SYNE1: variants seen among roughly 807,000 people sequenced by gnomAD.
SYNE1 encodes the protein nesprin-1.
A neutral mutation model predicts 1,111.0 loss-of-function variants in SYNE1; 616 were observed. The ratio of observed to expected loss-of-function variants is 0.55; its 90% CI spans 0.52 to 0.59. The LOEUF (loss-of-function observed/expected upper bound fraction) is 0.59. Ranked by LOEUF, SYNE1 falls within the 20% of genes least tolerant of loss-of-function variation. The pLI, the probability that SYNE1 is intolerant of heterozygous loss-of-function variation, is 0.00. For missense variants in SYNE1, 10,006 were observed against 10,417.0 expected (o/e 0.96, Z 1.72); for synonymous variants, 3,855 against 3,825.8 (o/e 1.01, Z -0.28).
At chr6:152,486,223 A>C (rs1206760602) in intron 12 of SYNE1, among the ~76,000 whole-genome samples, 1 of 152,012 alleles carries the variant, frequency 6.6e-6, no homozygotes, top group Non-Finnish European at 1.5e-5. Context: ...AAAAAACAAC[A>C]AAAAAATAAA....
chr6:152,604,944 C>CAAAGAAAGAAAG (rs1185668483), intron 3 of SYNE1, among the ~76,000 whole-genome samples: 14 of 65,930 alleles, frequency 2.1e-4, no homozygotes, highest in East Asian at 1.2e-3. Flanking sequence ...CCCTATCTCA[C>CAAAGAAAGAAAG]AAAGAAAGAA....
chr6:152,132,419 G>A lies in SYNE1; in HGVS notation c.26002-205C>T, dbSNP rs78151231. Among the ~76,000 whole-genome samples, 1,349 of 152,236 alleles carry A rather than the reference G, an allele frequency of 8.9e-3. 11 individuals are homozygous for A. Among genetic ancestry groups the A allele is most frequent in the African/African-American group, 0.027 (1,128 of 41,542 alleles). ...GTGTGTTGGGATTTCCTAGCTGTCC[G>A]TTTGGCCGTTCTGGAAAATATAGCT... On this transcript the variant is annotated intron_variant, in intron 143 of 145. Transcript: ENST00000367255.
At chr6:152,218,216 A>C in intron 121 of SYNE1, 41 bp downstream of exon 121, 1 of 1,611,366 alleles carries the variant, frequency 6.2e-7, no homozygotes, top group South Asian at 1.1e-5. Flanking sequence ...TTTTGAAGAC[A>C]GATGGTAAAA....
At chr6:152,599,681 A>T (rs1252734293) in intron 3 of SYNE1, among the ~76,000 whole-genome samples, 1 of 152,246 alleles carries the variant, frequency 6.6e-6, no homozygotes, top group Non-Finnish European at 1.5e-5. Context: ...CTGCCTTTCT[A>T]TAGTAAGAAT....
intron 82 of SYNE1, among the ~76,000 whole-genome samples, chr6:152,322,828 G>T (rs2095909367): frequency 6.6e-6 from 1 of 152,094 alleles, no homozygotes; most frequent in African/African-American, 2.4e-5. Context: ...CTTCTGAAGG[G>T]ATGCCTTCTT....
intron 133 of SYNE1, 33 bp downstream of exon 133, chr6:152,154,859 A>G (rs2061097606): frequency 3.7e-6 from 6 of 1,613,430 alleles, no homozygotes; most frequent in Non-Finnish European, 5.1e-6. Context: ...TTAATAGCAA[A>G]ATAAGGATTA....
Position 152,442,164 on chromosome 6 carries a change from G to C in SYNE1, c.3919C>G (p.Pro1307Ala), listed in dbSNP as rs2098537274. 6.2e-7 allele frequency: 1 copy of C among 1,613,774 alleles called. No individual in the cohort carries two copies. Among genetic ancestry groups the C allele is most frequent in the Non-Finnish European group, 8.5e-7 (1 of 1,180,040 alleles). Residue 1307 changes from proline (P) to alanine (A), a missense_variant, in exon 31 of 146, where the codon CCT (proline) becomes GCT (alanine). Pro to Ala is a conservative substitution (Grantham distance 27). Around this residue, in one of 7 missense-constraint regions of SYNE1, gnomAD observed 1,971 missense variants for 2,084.1 expected, o/e 0.95. Transcript: ENST00000367255. Reference sequence around the variant, plus strand: ...CGCAGCTCCTCGTGGCCTCGGTCAGGCAGCCCCCCTTCTCCCTGCTGCGCC... The same window carrying C: ...CGCAGCTCCTCGTGGCCTCGGTCAGCCAGCCCCCCTTCTCCCTGCTGCGCC... Reference protein sequence around the residue: ...AQAQQGEGGLPDRGHEELRKL... With the variant: ...AQAQQGEGGLADRGHEELRKL...
rs375917264 is a variant in SYNE1 at position 152,520,527 on chromosome 6, G to A, written c.241C>T (p.Arg81Cys). The change falls in exon 6 of 146, where the codon CGC (arginine) becomes TGC (cysteine). Residue 81 changes from arginine to cysteine, a missense_variant. By Grantham distance (180) the Arg-to-Cys change is radical (BLOSUM62 -3). Coordinates refer to ENST00000367255, the MANE Select transcript of SYNE1 (RefSeq NM_182961.4). ...SGQKLPCEQG[R>C]RMKRIHAVAN... ...ACAGCATGGATTCGCTTCATCCGGC[G>A]TCCTTGTTCACAAGGCTGTAAAAAG... 47 of 1,613,504 alleles carry A rather than the reference G, an allele frequency of 2.9e-5. No individual in the cohort carries two copies. The Admixed American group carries it at 4.2e-4, about 14-fold the overall frequency.
intron 108 of SYNE1, among the ~76,000 whole-genome samples, 173 bp from the exon 109 acceptor site, chr6:152,237,121 G>A (rs1201703001): frequency 1.3e-5 from 2 of 152,104 alleles, no homozygotes; most frequent in African/African-American, 4.8e-5. Context: ...TAATCAAATG[G>A]TGACCCTTGA....
Position 152,628,289 on chromosome 6 carries a change from C to T in SYNE1, c.43G>A (p.Ala15Thr), listed in dbSNP as rs767703161. Residue 15 changes from alanine (A) to threonine (T), a missense_variant, in exon 3 of 146, where the codon GCC becomes ACC. Transcript: ENST00000367255. ...RGASRCPRDI[A>T]NVMQRLQDEQ... is the part of the protein sequence containing the mutation. Reference sequence around the variant, plus strand: ...CCTTGCAGCCTCTGCATCACATTGGCGATATCCCGAGGACACCGGGAGGCC... The same window carrying T: ...CCTTGCAGCCTCTGCATCACATTGGTGATATCCCGAGGACACCGGGAGGCC... 2.5e-6 allele frequency: 4 copies of T among 1,614,104 alleles called. No individual in the cohort carries two copies. The highest frequency in any genetic ancestry group is 3.4e-6 in the Non-Finnish European group (4 of 1,180,024).
chr6:152,552,331 C>T (rs1279807318), intron 3 of SYNE1, among the ~76,000 whole-genome samples: 1 of 151,996 alleles, frequency 6.6e-6, no homozygotes, highest in East Asian at 1.9e-4. Context: ...TTTACATTTT[C>T]ACATTTTGGG....
chr6:152,634,299 G>A (rs1056142620), intron 2 of SYNE1, among the ~76,000 whole-genome samples: 9 of 152,132 alleles, frequency 5.9e-5, no homozygotes, highest in Admixed American at 5.9e-4. Flanking sequence ...ATTCACAACA[G>A]CAGGAAGTAC....
rs140450347 is a variant in SYNE1, at chr6:152,261,243, G to A, written c.18972+789C>T. On this transcript the variant is annotated intron_variant, in intron 101 of 145. Coordinates refer to ENST00000367255, the MANE Select transcript of SYNE1 (RefSeq NM_182961.4). ...GCCTAGATGGACGCTGCTAGCCCAG[G>A]ACAAAGGACTAGTCTTGTATCTGAA... Among the ~76,000 whole-genome samples the A allele has an allele frequency of 1.2e-3, 183 of 152,284 alleles. 2 individuals are homozygous for A. Among genetic ancestry groups the A allele is most frequent in the Non-Finnish European group, 2.0e-3 (134 of 68,020 alleles).
At position 152,176,260 on chromosome 6, in the gene SYNE1, G is replaced by A. The variant is rs2066436619; in HGVS notation, c.23627+134C>T. 1.8e-5 allele frequency: 22 copies of A among 1,233,586 alleles called. No homozygotes were observed. In the Admixed American group the frequency reaches 3.8e-4, roughly 21 times the overall value. The allele number at this position is 1,233,586 out of a possible 1,614,324, so 76.4% of individuals were successfully genotyped here. A position where few individuals can be genotyped will look rare whatever the true frequency, so the allele number is the denominator to read the frequency against. ...AAAGTGCCACTTATGAGAGGAGCAT[G>A]AACAGTTTTGAAAATGGTGAGATAA... On this transcript the variant is annotated intron_variant, in intron 130 of 145. Transcript: ENST00000367255.
chr6:152,158,858 TG>T (rs2061859588), intron 131 of SYNE1, among the ~76,000 whole-genome samples: 1 of 152,240 alleles, frequency 6.6e-6, no homozygotes, highest in South Asian at 2.1e-4. Flanking sequence ...CAAAAGTTTT[TG>T]TTAAAATCAA....
At chr6:152,311,868 C>A (rs562960348) in intron 87 of SYNE1, among the ~76,000 whole-genome samples, 15 of 152,108 alleles carry the variant, frequency 9.9e-5, no homozygotes, top group African/African-American at 3.4e-4. Flanking sequence ...CTCCGCCTCC[C>A]GGGTTCACAC....
chr6:152,391,590 A>AAAAAAAAG, intron 51 of SYNE1, 22 bp from the exon 52 acceptor site: 2 of 1,556,780 alleles, frequency 1.3e-6, no homozygotes, highest in East Asian at 2.4e-5. Flanking sequence ...GAAAAAAAAA[A>AAAAAAAAG]AAAAGAAAAA....
At chr6:152,464,627 T>A (rs928684754) in intron 18 of SYNE1, among the ~76,000 whole-genome samples, 1 of 152,170 alleles carries the variant, frequency 6.6e-6, no homozygotes, top group Non-Finnish European at 1.5e-5. Context: ...CACTTACATA[T>A]AAATTGATTT....
At chr6:152,425,693 G>C in intron 38 of SYNE1, 146 bp from the exon 39 acceptor site, 1 of 936,810 alleles carries the variant, frequency 1.1e-6, no homozygotes, top group East Asian at 2.6e-5. Context: ...TTTATTACTT[G>C]ATTTAGAAAT....
Sources: gnomAD v4.1 joint callset for allele counts (sites outside exome capture counted in the v4.1 genomes callset) on GRCh38, gnomAD v4.1.1 for gene constraint, gnomAD v4.1.1 regional missense constraint, MANE v1.5 for transcripts, NCBI Gene and HGNC (gene_info 2026-07-23, HGNC 2026-07-21) for gene names.